The following LGSN variants were observed in gnomAD, a reference collection of about 807,000 sequenced individuals.
The protein encoded by LGSN is lengsin, lens protein with glutamine synthetase domain.
Under a neutral mutation model 19.5 loss-of-function variants are expected in LGSN, and 21 were observed. The ratio of observed to expected loss-of-function variants is 1.07; its 90% CI spans 0.76 to 1.55. LGSN has a LOEUF of 1.55. LGSN is among the 40% of genes most tolerant of loss of function. The pLI, the probability that LGSN is intolerant of heterozygous loss-of-function variation, is 0.00. For missense variants in LGSN, 673 were observed against 608.5 expected (o/e 1.11, Z -1.12); for synonymous variants, 257 against 215.6 (o/e 1.19, Z -1.68).
the LGSN span, among the ~76,000 whole-genome samples, chr6:63,555,616 T>A: frequency 2.0e-5 from 3 of 151,890 alleles, no homozygotes; most frequent in Admixed American, 2.0e-4. Context: ...AGCTTTGTAT[T>A]ACCAAAGGCA....
chr6:63,326,957 C>A, the LGSN span, among the ~76,000 whole-genome samples: 1 of 152,232 alleles, frequency 6.6e-6, no homozygotes, highest in Non-Finnish European at 1.5e-5. Flanking sequence ...GGAGCCCAGG[C>A]AGAGGAGGCG....
At chr6:63,437,670 C>T in the LGSN span, among the ~76,000 whole-genome samples, 1 of 152,274 alleles carries the variant, frequency 6.6e-6, no homozygotes. Flanking sequence ...CAGTGGTTCA[C>T]GCCTGTAATC....
At chr6:63,526,108 T>C in the LGSN span, among the ~76,000 whole-genome samples, 2 of 151,520 alleles carry the variant, frequency 1.3e-5, no homozygotes, top group Admixed American at 6.6e-5. Context: ...GCAGATCACC[T>C]GAAGTCAGGA....
the LGSN span, among the ~76,000 whole-genome samples, chr6:63,551,202 A>T: frequency 2.0e-5 from 3 of 151,966 alleles, no homozygotes; most frequent in Non-Finnish European, 4.4e-5. Flanking sequence ...AATAGCTGGG[A>T]CTACAGGGGC....
chr6:63,518,712 G>A, the LGSN span, among the ~76,000 whole-genome samples: 1 of 152,202 alleles, frequency 6.6e-6, no homozygotes, highest in Non-Finnish European at 1.5e-5. Context: ...ACTAACAACA[G>A]AGAGGACAAA....
the LGSN span, among the ~76,000 whole-genome samples, chr6:63,465,211 G>A: frequency 7.2e-5 from 11 of 151,838 alleles, no homozygotes; most frequent in South Asian, 8.3e-4. Flanking sequence ...ATGGAGTTTC[G>A]CTCTTGTTGC....
the LGSN span, among the ~76,000 whole-genome samples, chr6:63,449,727 G>C: frequency 6.6e-6 from 1 of 152,078 alleles, no homozygotes; most frequent in Non-Finnish European, 1.5e-5. Flanking sequence ...ATTCAGAAAA[G>C]ATTTTTCAGT....
At chr6:63,512,692 T>C in the LGSN span, among the ~76,000 whole-genome samples, 10 of 152,162 alleles carry the variant, frequency 6.6e-5, no homozygotes, top group African/African-American at 2.4e-4. Context: ...TCAGATAACA[T>C]GTTGAAGGAT....
At chr6:63,377,172 T>A in the LGSN span, among the ~76,000 whole-genome samples, 1 of 152,242 alleles carries the variant, frequency 6.6e-6, no homozygotes, top group Non-Finnish European at 1.5e-5. Flanking sequence ...TGACTTATAG[T>A]AAACATTTGC....
At chr6:63,347,231 A>T in the LGSN span, among the ~76,000 whole-genome samples, 1 of 152,172 alleles carries the variant, frequency 6.6e-6, no homozygotes, top group Non-Finnish European at 1.5e-5. Context: ...TCATGGGGCA[A>T]ATCTTACTTC....
the LGSN span, among the ~76,000 whole-genome samples, chr6:63,419,033 C>T: frequency 6.6e-6 from 1 of 152,094 alleles, no homozygotes; most frequent in South Asian, 2.1e-4. Flanking sequence ...CACTATCACC[C>T]ATAGGTAATG....
At chr6:63,432,042 C>G in the LGSN span, among the ~76,000 whole-genome samples, 1 of 147,096 alleles carries the variant, frequency 6.8e-6, no homozygotes, top group Non-Finnish European at 1.5e-5. Context: ...TGCCACTGCA[C>G]TCAGCCTGGG....
At chr6:63,538,357 A>C in the LGSN span, among the ~76,000 whole-genome samples, 1 of 152,248 alleles carries the variant, frequency 6.6e-6, no homozygotes, top group African/African-American at 2.4e-5. Flanking sequence ...TCCATTCTTC[A>C]TAAAAAGAAT....
chr6:63,523,330 C>T, the LGSN span, among the ~76,000 whole-genome samples: 1 of 151,872 alleles, frequency 6.6e-6, no homozygotes, highest in Non-Finnish European at 1.5e-5. Flanking sequence ...GTCAGGAGTT[C>T]GAGACTAGCC....
chr6:63,508,159 T>G, the LGSN span, among the ~76,000 whole-genome samples: 20 of 152,210 alleles, frequency 1.3e-4, no homozygotes, highest in Non-Finnish European at 1.3e-4. Flanking sequence ...AAAAATCAAC[T>G]TTTTGAATGC....
rs768576857 is a variant in LGSN at position 63,294,897 on chromosome 6, C to CA, written c.163+15dup. On this transcript the variant is annotated intron_variant, in intron 2 of 3. Coordinates refer to ENST00000370657, the MANE Select transcript of LGSN (RefSeq NM_016571.3). ...TCTGACCACACCATTTTTGAGGACTCAGAGTAGTTAGATACCATTTGAATT... is the reference window on the plus strand; with the variant it reads ...TCTGACCACACCATTTTTGAGGACTCAAGAGTAGTTAGATACCATTTGAATT... The CA allele has an allele frequency of 3.1e-6, 5 of 1,613,422 alleles. No homozygotes were observed. Among genetic ancestry groups the CA allele is most frequent in the African/African-American group, 1.3e-5 (1 of 74,992 alleles).
the LGSN span, among the ~76,000 whole-genome samples, chr6:63,399,109 A>AT: frequency 1.3e-4 from 20 of 149,714 alleles, no homozygotes; most frequent in East Asian, 7.9e-4. Flanking sequence ...ACGTGGCCTC[A>AT]TTTTTTTTTA....
the LGSN span, among the ~76,000 whole-genome samples, chr6:63,567,786 T>C: frequency 4.6e-5 from 7 of 152,248 alleles, no homozygotes; most frequent in Non-Finnish European, 1.0e-4. Flanking sequence ...TTTGTCTACA[T>C]TGAAAATCTG....
At chr6:63,528,427 CT>C in the LGSN span, among the ~76,000 whole-genome samples, 1,858 of 144,246 alleles carry the variant, frequency 0.013, 16 homozygotes, top group African/African-American at 0.027. Flanking sequence ...GAATCTCTGT[CT>C]TTTTTTTTTT....
Sources: gnomAD v4.1 joint callset for allele counts (sites outside exome capture counted in the v4.1 genomes callset) on GRCh38, gnomAD v4.1.1 for gene constraint, MANE v1.5 for transcripts, NCBI Gene and HGNC (gene_info 2026-07-23, HGNC 2026-07-21) for gene names.